The following RHOU variants were observed in gnomAD, a reference collection of about 807,000 sequenced individuals.
The protein encoded by RHOU is ras homolog family member U, also known as rho-related GTP-binding protein RhoU.
In RHOU, 8 loss-of-function variants were observed where a neutral mutation model predicts 12.6. The ratio of observed to expected loss-of-function variants is 0.64; its 90% CI spans 0.37 to 1.15. RHOU has a LOEUF of 1.15. Among genes scored for constraint, RHOU ranks in the 50% most tolerant of loss-of-function variants. RHOU has a pLI of 0.01. For synonymous variants in RHOU, 161 were observed against 147.4 expected (o/e 1.09, Z -0.67); for missense variants, 258 against 347.0 (o/e 0.74, Z 2.04).
chr1:228,684,188 C>T, the RHOU span, among the ~76,000 whole-genome samples: 1 of 152,082 alleles, frequency 6.6e-6, no homozygotes, highest in Admixed American at 6.6e-5. Flanking sequence ...AGGTGTGTGC[C>T]ACCATGATGG....
At chr1:228,699,447 C>CAAAAA in the RHOU span, among the ~76,000 whole-genome samples, 2 of 40,600 alleles carry the variant, frequency 4.9e-5, no homozygotes, top group South Asian at 1.6e-3. Flanking sequence ...GAACCTGTCT[C>CAAAAA]AAAAAAAAAA....
the RHOU span, among the ~76,000 whole-genome samples, chr1:228,659,609 T>C: frequency 6.7e-6 from 1 of 149,690 alleles, no homozygotes; most frequent in South Asian, 2.1e-4. Context: ...CTTTATAGAC[T>C]GACTAAGAAA....
the RHOU span, among the ~76,000 whole-genome samples, chr1:228,674,844 T>G: frequency 6.6e-6 from 1 of 151,842 alleles, no homozygotes. Flanking sequence ...CGTTCTCCTG[T>G]CTCAGCCTCC....
the RHOU span, among the ~76,000 whole-genome samples, chr1:228,714,226 T>C: frequency 6.6e-6 from 1 of 152,188 alleles, no homozygotes; most frequent in African/African-American, 2.4e-5. Flanking sequence ...TGTTGAATTC[T>C]GTTTATAAAC....
the RHOU span, among the ~76,000 whole-genome samples, chr1:228,728,322 T>C: frequency 6.6e-6 from 1 of 152,248 alleles, no homozygotes; most frequent in Non-Finnish European, 1.5e-5. Flanking sequence ...CTTTCATTTT[T>C]CTTCCAGAAC....
intron 2 of RHOU, among the ~76,000 whole-genome samples, chr1:228,740,074 A>C (rs1206000132): frequency 6.6e-6 from 1 of 152,240 alleles, no homozygotes; most frequent in African/African-American, 2.4e-5. Context: ...AGAGTTTTGA[A>C]AGACAAATAG....
chr1:228,655,071 T>C, the RHOU span, among the ~76,000 whole-genome samples: 1 of 152,076 alleles, frequency 6.6e-6, no homozygotes, highest in African/African-American at 2.4e-5. Context: ...AAAATCATTA[T>C]GTAAACTGGG....
the RHOU span, among the ~76,000 whole-genome samples, chr1:228,709,793 A>G: frequency 5.3e-5 from 8 of 152,234 alleles, no homozygotes; most frequent in South Asian, 4.1e-4. Context: ...AGCAGAAGGC[A>G]AGAAATAACT....
At chr1:228,727,651 C>T in the RHOU span, among the ~76,000 whole-genome samples, 9 of 152,164 alleles carry the variant, frequency 5.9e-5, no homozygotes, top group African/African-American at 1.9e-4. Context: ...TGTGAAAATA[C>T]CTTTCTTCTT....
At chr1:228,688,057 C>A in the RHOU span, among the ~76,000 whole-genome samples, 1 of 147,986 alleles carries the variant, frequency 6.8e-6, no homozygotes, top group Non-Finnish European at 1.5e-5. Flanking sequence ...AAAATGTGAG[C>A]TGTACAAGAG....
At chr1:228,665,547 G>A in the RHOU span, among the ~76,000 whole-genome samples, 20 of 152,144 alleles carry the variant, frequency 1.3e-4, no homozygotes, top group African/African-American at 4.8e-4. Flanking sequence ...AGTGGAGTGG[G>A]GAACAGTAAT....
At chr1:228,682,826 G>A in the RHOU span, among the ~76,000 whole-genome samples, 1 of 152,158 alleles carries the variant, frequency 6.6e-6, no homozygotes, top group South Asian at 2.1e-4. Flanking sequence ...TAATTCTAAA[G>A]GGAGTATGGG....
chr1:228,731,860 C>T (rs1662504148), upstream of RHOU, among the ~76,000 whole-genome samples: 1 of 151,966 alleles, frequency 6.6e-6, no homozygotes, highest in African/African-American at 2.4e-5. Flanking sequence ...AAATTCTGCA[C>T]CCAGTTTTCA....
chr1:228,690,786 T>C, the RHOU span, among the ~76,000 whole-genome samples: 2 of 151,982 alleles, frequency 1.3e-5, no homozygotes. Flanking sequence ...CCTGGCTAAT[T>C]TTTTTACTTT....
the RHOU span, among the ~76,000 whole-genome samples, chr1:228,712,775 C>G: frequency 6.7e-6 from 1 of 150,244 alleles, no homozygotes; most frequent in South Asian, 2.1e-4. Flanking sequence ...CTAACCTGCA[C>G]ATTGTGCACA....
At chr1:228,679,637 G>C in the RHOU span, among the ~76,000 whole-genome samples, 1 of 151,994 alleles carries the variant, frequency 6.6e-6, no homozygotes, top group African/African-American at 2.4e-5. Context: ...ATTGTAAGGA[G>C]AGTTTATAGG....
rs773613172 is a variant in RHOU at position 228,743,537 on chromosome 1, G to T, written c.574G>T (p.Ala192Ser). 1 of 1,614,160 alleles carries T rather than the reference G, an allele frequency of 6.2e-7. No homozygotes were observed. Among genetic ancestry groups the T allele is most frequent in the Middle Eastern group, 1.6e-4 (1 of 6,062 alleles). The change falls in exon 3 of 3, where the codon GCC becomes TCC. Residue 192 changes from alanine to serine, a missense_variant. Physicochemically the swap from Ala to Ser is moderately conservative, Grantham distance 99. Transcript: ENST00000366691. This position sits in a 1 kb window ranked among gnomAD's most constrained non-coding sequence, Gnocchi z 5.1. ...GCCTGAAGAGGCGGCTAAGCTGTGC[G>T]CCGAGGAAATCAAAGCCGCCTCCTA... ...PVPEEAAKLC[A>S]EEIKAASYIE... is the part of the protein sequence containing the mutation.
the RHOU span, among the ~76,000 whole-genome samples, chr1:228,725,997 T>C: frequency 1.4e-4 from 22 of 152,214 alleles, no homozygotes; most frequent in Non-Finnish European, 2.6e-4. Context: ...ACTATCTTAA[T>C]AAATATAAAT....
chr1:228,676,525 T>C, the RHOU span, among the ~76,000 whole-genome samples: 1 of 152,146 alleles, frequency 6.6e-6, no homozygotes, highest in Non-Finnish European at 1.5e-5. Context: ...TCTCAATATG[T>C]AGATTCTTTT....
Sources: gnomAD v4.1 joint callset for allele counts (sites outside exome capture counted in the v4.1 genomes callset) on GRCh38, gnomAD v4.1.1 for gene constraint, Gnocchi (gnomAD v3.1) non-coding constraint, MANE v1.5 for transcripts, NCBI Gene and HGNC (gene_info 2026-07-23, HGNC 2026-07-21) for gene names.